The following ROBO1 variants were observed in gnomAD, a reference collection of about 807,000 sequenced individuals.
The protein encoded by ROBO1 is roundabout homolog 1.
A neutral mutation model predicts 195.9 loss-of-function variants in ROBO1; 149 were observed. The observed-to-expected ratio is 0.76, with a 90% CI of 0.67 to 0.87. The LOEUF (loss-of-function observed/expected upper bound fraction) is 0.87, where lower values mean the gene tolerates loss of function less well. ROBO1 is among the 40% of genes least tolerant of loss of function. The pLI, the probability that ROBO1 is intolerant of heterozygous loss-of-function variation, is 0.00. For missense variants in ROBO1, 1,933 were observed against 2,068.3 expected (o/e 0.93, Z 1.27); for synonymous variants, 816 against 733.2 (o/e 1.11, Z -1.82).
intron 1 of ROBO1, among the ~76,000 whole-genome samples, chr3:79,750,819 G>A (rs1704099720): frequency 6.6e-6 from 1 of 152,106 alleles, no homozygotes; most frequent in Non-Finnish European, 1.5e-5. Context: ...GCTTGAATAT[G>A]AACTAATACA....
intron 2 of ROBO1, among the ~76,000 whole-genome samples, chr3:79,490,599 T>A (rs1241933364): frequency 1.3e-5 from 2 of 152,162 alleles, no homozygotes; most frequent in East Asian, 1.9e-4. Context: ...GTTAAAAACC[T>A]AAGTGTGATT....
intron 18 of ROBO1, among the ~76,000 whole-genome samples, chr3:78,652,400 TA>T (rs910387067): frequency 4.6e-5 from 7 of 151,314 alleles, no homozygotes; most frequent in Middle Eastern, 3.4e-3. Flanking sequence ...TAGTATGTTC[TA>T]AAAAAAAAGA....
intron 2 of ROBO1, among the ~76,000 whole-genome samples, chr3:79,410,330 TA>T (rs1434594292): frequency 6.6e-6 from 1 of 152,208 alleles, no homozygotes; most frequent in Admixed American, 6.5e-5. Flanking sequence ...ATGTGTGGGA[TA>T]AATCTAATCA....
intron 3 of ROBO1, among the ~76,000 whole-genome samples, chr3:78,991,303 T>C (rs917407809): frequency 3.3e-5 from 5 of 152,122 alleles, no homozygotes; most frequent in Non-Finnish European, 7.4e-5. Flanking sequence ...GAGCTGCAGC[T>C]TAGAATCTGC....
chr3:79,139,769 C>T (rs1284361919), intron 2 of ROBO1, among the ~76,000 whole-genome samples: 2 of 152,000 alleles, frequency 1.3e-5, no homozygotes, highest in East Asian at 3.9e-4. Flanking sequence ...TTTTGTTATT[C>T]TCTCCACCCA....
At chr3:79,145,862 G>T (rs994560578) in intron 2 of ROBO1, among the ~76,000 whole-genome samples, 1 of 151,970 alleles carries the variant, frequency 6.6e-6, no homozygotes, top group African/African-American at 2.4e-5. Context: ...CATCTTTACA[G>T]TGTTCTTTGA....
At chr3:78,649,485 GAAATGTT>G (rs1706513841) in intron 19 of ROBO1, among the ~76,000 whole-genome samples, 2 of 152,182 alleles carry the variant, frequency 1.3e-5, no homozygotes, top group African/African-American at 4.8e-5. Flanking sequence ...ATGTAAGGGG[GAAATGTT>G]AAATATGCTC....
chr3:79,081,312 G>A (rs1330291542), intron 3 of ROBO1, among the ~76,000 whole-genome samples: 1 of 151,912 alleles, frequency 6.6e-6, no homozygotes, highest in Non-Finnish European at 1.5e-5. Context: ...CATTTGATGG[G>A]CATCATGACT....
At chr3:79,002,583 T>G (rs1431462920) in intron 3 of ROBO1, among the ~76,000 whole-genome samples, 1 of 152,088 alleles carries the variant, frequency 6.6e-6, no homozygotes, top group Admixed American at 6.6e-5. Context: ...AATGTGATAA[T>G]TATTTATTAA....
In ROBO1 at chr3:78,828,973, G is replaced by A. The variant is rs138902442; in HGVS notation, c.500-82073C>T. Among the ~76,000 whole-genome samples the A allele has an allele frequency of 7.2e-4, 109 of 152,242 alleles. No individual in the cohort carries two copies. The East Asian group carries it at 0.019, about 26-fold the overall frequency. The stretch of plus-strand genomic sequence containing the variant: ...TAATAAACTATTTAATGTTAGAAGC[G>A]GTGTGGAATGTTTCTCAGGGAATCA... On this transcript the variant is annotated intron_variant, in intron 4 of 30. Coordinates refer to ENST00000464233, the MANE Select transcript of ROBO1 (RefSeq NM_002941.4).
chr3:79,658,164 T>C (rs1946225136), intron 1 of ROBO1, among the ~76,000 whole-genome samples: 1 of 152,156 alleles, frequency 6.6e-6, no homozygotes, highest in Admixed American at 6.6e-5. Flanking sequence ...TTAGTTCATA[T>C]TTGACAGCTT....
chr3:78,757,133 C>A (rs1320869153), intron 4 of ROBO1, among the ~76,000 whole-genome samples: 3 of 152,100 alleles, frequency 2.0e-5, no homozygotes, highest in African/African-American at 7.2e-5. Flanking sequence ...CTCACGTGAG[C>A]CACCTGCGTC....
Position 78,717,361 on chromosome 3 carries a change from G to T in ROBO1, c.831C>A (p.Asp277Glu). ...RPSNLAVTVD[D>E]SAEFKCEARG... Reference sequence around the variant, plus strand: ...GGGCCTCACATTTAAATTCTGCACTGTCATCCACAGTTACTGCCAAGTTAC... The same window carrying T: ...GGGCCTCACATTTAAATTCTGCACTTTCATCCACAGTTACTGCCAAGTTAC... Residue 277 changes from aspartate (D) to glutamate (E), a missense_variant, in exon 7 of 31, where the codon GAC becomes GAA. Physicochemically the swap from Asp to Glu is conservative, Grantham distance 45. Around this residue, in one of 3 missense-constraint regions of ROBO1, gnomAD observed 1,737 missense variants for 1,882.5 expected, o/e 0.92. Transcript: ENST00000464233. 1 of 1,613,268 alleles carries T rather than the reference G, an allele frequency of 6.2e-7. No homozygotes were observed. Among genetic ancestry groups the T allele is most frequent in the Non-Finnish European group, 8.5e-7 (1 of 1,179,388 alleles).
chr3:79,168,692 C>G (rs962248433), intron 2 of ROBO1, among the ~76,000 whole-genome samples: 2 of 152,092 alleles, frequency 1.3e-5, no homozygotes, highest in Non-Finnish European at 2.9e-5. Context: ...CATTTATTTA[C>G]TTAGTTAGGC....
intron 2 of ROBO1, among the ~76,000 whole-genome samples, chr3:79,434,904 T>G (rs751114987): frequency 2.0e-5 from 3 of 152,118 alleles, no homozygotes; most frequent in Non-Finnish European, 2.9e-5. Context: ...TGAGTTCATA[T>G]CCTTTGTAGG....
At position 79,550,195 on chromosome 3, in the gene ROBO1, G is replaced by GAAAGAAAGGAAAAGAAAAGAAAAGAAAA; in HGVS notation, c.88+39628_88+39629insTTTTCTTTTCTTTTCTTTTCCTTTCTTT. On this transcript the variant is annotated intron_variant, in intron 2 of 30. Coordinates refer to ENST00000464233, the MANE Select transcript of ROBO1 (RefSeq NM_002941.4). ...AGAAAGAAAGAAAGAAAGAAAGAAA[G>GAAAGAAAGGAAAAGAAAAGAAAAGAAAA]GAAAAGAAAAGAAAAGAAAAGAAAA... Among the ~76,000 whole-genome samples the GAAAGAAAGGAAAAGAAAAGAAAAGAAAA allele has an allele frequency of 1.6e-3, 159 of 100,818 alleles. 2 individuals carry two copies. The highest frequency in any genetic ancestry group is 0.01 in the Middle Eastern group (2 of 200). The allele number at this position is 100,818 out of a possible 152,430, so 66.1% of individuals were successfully genotyped here.
At chr3:79,164,974 C>G (rs1354299904) in intron 2 of ROBO1, among the ~76,000 whole-genome samples, 1 of 152,178 alleles carries the variant, frequency 6.6e-6, no homozygotes, top group African/African-American at 2.4e-5. Flanking sequence ...CTGCACACCC[C>G]TAACCTTATC....
rs889237863 is a variant in ROBO1, at chr3:79,417,406, G to C, written c.88+172418C>G. 7.4e-4 allele frequency among the ~76,000 whole-genome samples: 112 copies of C among 152,020 alleles called. 1 individual carries two copies. Among genetic ancestry groups the C allele is most frequent in the Non-Finnish European group, 1.5e-4 (10 of 67,996 alleles). ...GATGGACTAAAATGACTACAGACCT[G>C]GCTTACAGCTTGACCATAACTTTAA... is the stretch of plus-strand genomic sequence containing the variant. On this transcript the variant is annotated intron_variant, in intron 2 of 30. Transcript: ENST00000464233.
intron 4 of ROBO1, among the ~76,000 whole-genome samples, chr3:78,769,255 C>A (rs1169752799): frequency 6.6e-6 from 1 of 152,130 alleles, no homozygotes; most frequent in Non-Finnish European, 1.5e-5. Context: ...GTGTTAGGTG[C>A]ATACATGTTT....
Sources: gnomAD v4.1 joint callset for allele counts (sites outside exome capture counted in the v4.1 genomes callset) on GRCh38, gnomAD v4.1.1 for gene constraint, gnomAD v4.1.1 regional missense constraint, MANE v1.5 for transcripts, NCBI Gene and HGNC (gene_info 2026-07-23, HGNC 2026-07-21) for gene names.